TENM4: variants seen among roughly 807,000 people sequenced by gnomAD.
TENM4 encodes teneurin transmembrane protein 4, also known as teneurin-4.
Under a neutral mutation model 243.3 loss-of-function variants are expected in TENM4, and 82 were observed. The ratio of observed to expected loss-of-function variants is 0.34; its 90% CI spans 0.28 to 0.40. TENM4 has a LOEUF of 0.40. TENM4 is among the 10% of genes least tolerant of loss of function. TENM4 has a pLI of 1.00. For synonymous variants in TENM4, 1,412 were observed against 1,456.3 expected, an observed-to-expected ratio of 0.97 and a Z score of 0.69; for missense variants, 3,138 against 3,673.3, an observed-to-expected ratio of 0.85 and a Z score of 3.77.
At chr11:79,261,539 A>C (rs1456913481) in intron 2 of TENM4, among the ~76,000 whole-genome samples, 2 of 152,120 alleles carry the variant, frequency 1.3e-5, no homozygotes, top group Non-Finnish European at 2.9e-5. Flanking sequence ...GAGCCCCCAC[A>C]GTATCTTCGG....
At chr11:79,015,167 A>G (rs1858740110) in intron 6 of TENM4, among the ~76,000 whole-genome samples, 1 of 152,202 alleles carries the variant, frequency 6.6e-6, no homozygotes, top group Non-Finnish European at 1.5e-5. Flanking sequence ...CCTGTGTGTT[A>G]ACACATGGAA....
chr11:79,253,295 C>T (rs1855643999), intron 2 of TENM4, among the ~76,000 whole-genome samples: 1 of 152,196 alleles, frequency 6.6e-6, no homozygotes, highest in African/African-American at 2.4e-5. Context: ...TGAGCAAACT[C>T]ATCAATGTTC....
At chr11:79,190,302 C>T (rs1324025115) in intron 3 of TENM4, among the ~76,000 whole-genome samples, 1 of 152,210 alleles carries the variant, frequency 6.6e-6, no homozygotes, top group Admixed American at 6.5e-5. Flanking sequence ...TCAGCTTCCT[C>T]ATAAGTAAAA....
intron 1 of TENM4, among the ~76,000 whole-genome samples, chr11:79,378,462 G>A (rs983215458): frequency 6.6e-6 from 1 of 152,212 alleles, no homozygotes; most frequent in Non-Finnish European, 1.5e-5. Flanking sequence ...TGAGGAGCAT[G>A]GGAGGAATAA....
chr11:78,712,309 G>A lies in TENM4; in HGVS notation c.4054+173C>T, dbSNP rs141155419. Among the ~76,000 whole-genome samples the A allele has an allele frequency of 1.8e-4, 27 of 152,244 alleles. No individual in the cohort carries two copies. In the East Asian group the frequency reaches 4.4e-3, roughly 25 times the overall value. On this transcript the variant is annotated intron_variant, in intron 26 of 33. Transcript: ENST00000278550. The stretch of plus-strand genomic sequence containing the variant: ...GAAAAAAGACTAGGAGAGAAGACAG[G>A]AAATGTTAACTGGGAGTATTTCTGG...
At chr11:79,047,267 G>C (rs1859680366) in intron 6 of TENM4, among the ~76,000 whole-genome samples, 2 of 152,206 alleles carry the variant, frequency 1.3e-5, no homozygotes, top group South Asian at 4.1e-4. Flanking sequence ...CTCTGACAGG[G>C]ATGACGAGGT....
chr11:78,831,125 G>C (rs1458776223), intron 12 of TENM4, among the ~76,000 whole-genome samples: 2 of 152,180 alleles, frequency 1.3e-5, no homozygotes, highest in African/African-American at 4.8e-5. Flanking sequence ...AAACTGTCAG[G>C]CTTCCCAAAC....
chr11:79,118,854 G>A (rs771573270), intron 4 of TENM4, among the ~76,000 whole-genome samples: 2 of 152,240 alleles, frequency 1.3e-5, no homozygotes, highest in African/African-American at 4.8e-5. Flanking sequence ...TGCAAATAAT[G>A]CTGCTATGTC....
intron 2 of TENM4, among the ~76,000 whole-genome samples, chr11:79,250,281 C>G (rs1224036485): frequency 6.6e-6 from 1 of 152,254 alleles, no homozygotes; most frequent in East Asian, 1.9e-4. Flanking sequence ...GCCACCACGC[C>G]TGGCCGGCAC....
chr11:79,064,554 A>C (rs1293827679), intron 6 of TENM4, 184 bp downstream of exon 6: 1 of 750,892 alleles, frequency 1.3e-6, no homozygotes, highest in Non-Finnish European at 2.1e-6. Flanking sequence ...AATCTCTGGC[A>C]TGTCACTCAT....
chr11:79,388,956 G>T (rs930085661), intron 1 of TENM4, among the ~76,000 whole-genome samples: 1 of 152,158 alleles, frequency 6.6e-6, no homozygotes, highest in Non-Finnish European at 1.5e-5. Context: ...ACCACTTGGT[G>T]TTACTGGACA....
rs367830600 is a variant in TENM4 at position 78,688,113 on chromosome 11, T to C, written c.5201A>G (p.Asp1734Gly). Residue 1734 changes from aspartate to glycine, a missense_variant, in exon 29 of 34, where the codon GAT (aspartate) becomes GGT (glycine). Asp to Gly is a moderately conservative substitution (Grantham distance 94). Coordinates refer to ENST00000278550, the MANE Select transcript of TENM4 (RefSeq NM_001098816.3). Reference sequence around the variant, plus strand: ...CAGGTTGGTGGTTATGGTGACATCATCCTTGCTGGAGGTCTCTACCTGGAC... The same window carrying C: ...CAGGTTGGTGGTTATGGTGACATCACCCTTGCTGGAGGTCTCTACCTGGAC... ...VHVQVETSSK[D>G]DVTITTNLSA... 6.2e-7 allele frequency: 1 copy of C among 1,613,842 alleles called. No homozygotes were observed. Among genetic ancestry groups the C allele is most frequent in the Non-Finnish European group, 8.5e-7 (1 of 1,179,888 alleles).
At chr11:79,254,142 A>T (rs929554731) in intron 2 of TENM4, among the ~76,000 whole-genome samples, 8 of 152,220 alleles carry the variant, frequency 5.3e-5, no homozygotes, top group Non-Finnish European at 1.0e-4. Flanking sequence ...ATCAAAATTT[A>T]AAACTTTTTG....
chr11:78,981,925 G>A (rs558367315), intron 6 of TENM4, among the ~76,000 whole-genome samples: 2 of 151,956 alleles, frequency 1.3e-5, no homozygotes, highest in East Asian at 3.9e-4. Context: ...TCAGTTTTTT[G>A]GTTCCCTCTC....
intron 2 of TENM4, among the ~76,000 whole-genome samples, chr11:79,273,239 G>C (rs1016570571): frequency 6.6e-6 from 1 of 152,216 alleles, no homozygotes; most frequent in Non-Finnish European, 1.5e-5. Context: ...AATGCCAGTT[G>C]AACTATGACA....
intron 3 of TENM4, among the ~76,000 whole-genome samples, chr11:79,158,077 G>A (rs1250166432): frequency 6.6e-6 from 1 of 152,128 alleles, no homozygotes; most frequent in Non-Finnish European, 1.5e-5. Context: ...CAGGACCCAG[G>A]GACCCTCCTC....
intron 2 of TENM4, among the ~76,000 whole-genome samples, chr11:79,245,938 T>TAAAAAAAAAAAAAAAAAAAAAAA (rs1199883938): frequency 1.5e-5 from 1 of 64,890 alleles, no homozygotes; most frequent in Non-Finnish European, 3.1e-5. Flanking sequence ...AGACTTTGTC[T>TAAAAAAAAAAAAAAAAAAAAAAA]AAAAAAAAAA....
intron 19 of TENM4, among the ~76,000 whole-genome samples, chr11:78,745,637 GA>G (rs1565360821): frequency 6.6e-6 from 1 of 152,120 alleles, no homozygotes; most frequent in Non-Finnish European, 1.5e-5. Context: ...AAATCGGTGA[GA>G]ATCCAACATT....
intron 2 of TENM4, among the ~76,000 whole-genome samples, chr11:79,226,898 G>A (rs78372904): frequency 0.02 from 3,113 of 152,228 alleles, 115 homozygotes; most frequent in African/African-American, 0.07. Context: ...GAACAAAAGC[G>A]GGTGGGTGGG....
Sources: gnomAD v4.1 joint callset for allele counts (sites outside exome capture counted in the v4.1 genomes callset) on GRCh38, gnomAD v4.1.1 for gene constraint, MANE v1.5 for transcripts, NCBI Gene and HGNC (gene_info 2026-07-23, HGNC 2026-07-21) for gene names.